The following PIR variants were observed in gnomAD, a reference collection of about 807,000 sequenced individuals.
The protein encoded by PIR is pirin (iron-binding nuclear protein).
In PIR, 22 loss-of-function variants were observed where a neutral mutation model predicts 24.2. The ratio of observed to expected loss-of-function variants is 0.91; its 90% CI spans 0.65 to 1.30. PIR has a LOEUF of 1.30. Ranked by LOEUF, PIR falls within the 50% of genes most tolerant of loss-of-function variation. The pLI is 0.00. For synonymous variants in PIR, 80 were observed against 79.6 expected, an observed-to-expected ratio of 1.00 and a Z score of -0.03; for missense variants, 220 against 220.3, an observed-to-expected ratio of 1.00 and a Z score of 0.01.
At position 15,425,397 on chromosome X, in the gene PIR, TC is replaced by T. The variant is rs750559792; in HGVS notation, c.565+508del. 2.8e-5 allele frequency among the ~76,000 whole-genome samples: 3 copies of T among 107,956 alleles called. No homozygotes were observed. In the East Asian group the frequency reaches 8.5e-4, roughly 31 times the overall value. 93.7% of individuals were successfully genotyped at this position (107,956 alleles called of 115,157 possible). A position where few individuals can be genotyped will look rare whatever the true frequency, so the allele number is the denominator to read the frequency against. Reference sequence around the variant, plus strand: ...ACATTCTGTGAGTTCTTTCTGATTTTCTTTTCTTTCTTTCTTTTTTTTTTTT... The same window carrying T: ...ACATTCTGTGAGTTCTTTCTGATTTTTTTTCTTTCTTTCTTTTTTTTTTTT... On this transcript the variant is annotated intron_variant, in intron 6 of 9. Transcript: ENST00000380420.
At chrX:15,452,451 C>T (rs748610207) in intron 5 of PIR, among the ~76,000 whole-genome samples, 12 of 111,687 alleles carry the variant, frequency 1.1e-4, no homozygotes, top group Non-Finnish European at 7.5e-5. Flanking sequence ...CACATACAAC[C>T]TGGGAAACAG....
intron 6 of PIR, among the ~76,000 whole-genome samples, chrX:15,423,131 A>T (rs948323743): frequency 8.9e-6 from 1 of 112,270 alleles, no homozygotes; most frequent in Non-Finnish European, 1.9e-5. Flanking sequence ...TCAAATCAAA[A>T]TGAATTAAAG....
chrX:15,395,873 T>C (rs994203495), intron 8 of PIR, among the ~76,000 whole-genome samples: 2 of 112,309 alleles, frequency 1.8e-5, no homozygotes, highest in Non-Finnish European at 3.8e-5. Context: ...AATTACAGAA[T>C]TGCACATAAC....
chrX:15,452,804 T>C (rs1345307024), intron 5 of PIR, among the ~76,000 whole-genome samples: 2 of 112,290 alleles, frequency 1.8e-5, no homozygotes, highest in African/African-American at 6.5e-5. Context: ...AATCAGAGTC[T>C]GCATTTTATC....
intron 5 of PIR, among the ~76,000 whole-genome samples, chrX:15,442,226 A>G (rs984355821): frequency 9.0e-6 from 1 of 110,844 alleles, no homozygotes; most frequent in Non-Finnish European, 1.9e-5. Context: ...CATTATCACT[A>G]TATCTATTAT....
At chrX:15,460,368 A>G (rs777935577) in intron 3 of PIR, among the ~76,000 whole-genome samples, 59 of 112,165 alleles carry the variant, frequency 5.3e-4, no homozygotes, top group African/African-American at 1.9e-3. Flanking sequence ...CAATAAATAG[A>G]TAATGTGGTA....
chrX:15,422,636 C>A (rs1925173145), intron 6 of PIR, among the ~76,000 whole-genome samples: 1 of 110,876 alleles, frequency 9.0e-6, no homozygotes, highest in Non-Finnish European at 1.9e-5. Context: ...ATTGAAAAAT[C>A]TATACAAGGA....
intron 5 of PIR, among the ~76,000 whole-genome samples, chrX:15,439,450 T>C (rs370869559): frequency 6.2e-5 from 7 of 112,536 alleles, no homozygotes; most frequent in Non-Finnish European, 9.4e-5. Context: ...ACTATGAAAT[T>C]TGAAGTTACA....
chrX:15,418,176 C>T (rs1924988925), intron 6 of PIR, among the ~76,000 whole-genome samples: 1 of 111,438 alleles, frequency 9.0e-6, no homozygotes, highest in Non-Finnish European at 1.9e-5. Flanking sequence ...CAGATCCTGC[C>T]TTTAAGTATC....
At chrX:15,461,646 G>A (rs1883504193) in intron 3 of PIR, among the ~76,000 whole-genome samples, 1 of 111,189 alleles carries the variant, frequency 9.0e-6, no homozygotes. Context: ...AGCCGGGTGT[G>A]GTGGCAGGCG....
chrX:15,407,374 T>C (rs1355399244), intron 7 of PIR, 132 bp downstream of exon 7: 1 of 527,151 alleles, frequency 1.9e-6, no homozygotes, highest in Non-Finnish European at 3.4e-6. Context: ...TGCTGGGATA[T>C]AGAGAGGGCT....
chrX:15,431,679 C>T (rs866297545), intron 5 of PIR, among the ~76,000 whole-genome samples: 1 of 104,950 alleles, frequency 9.5e-6, no homozygotes, highest in Non-Finnish European at 2.0e-5. Flanking sequence ...CCACCCCCCC[C>T]CCGAAAACCT....
chrX:15,487,303 T>A (rs1322517446), intron 2 of PIR, among the ~76,000 whole-genome samples: 1 of 107,555 alleles, frequency 9.3e-6, no homozygotes, highest in African/African-American at 3.4e-5. Flanking sequence ...AAGGGATTTT[T>A]AAAATTTTTG....
intron 9 of PIR, among the ~76,000 whole-genome samples, chrX:15,387,068 CTTTTCTTTTTTTTTTTT>C (rs1264009786): frequency 1.1e-4 from 7 of 62,083 alleles, no homozygotes; most frequent in East Asian, 4.9e-4. Context: ...TTTTTCTTTT[CTTTTCTTTTTTTTTTTT>C]TTTTTTTTTT....
intron 7 of PIR, among the ~76,000 whole-genome samples, chrX:15,404,006 T>C (rs1027734615): frequency 9.2e-6 from 1 of 108,843 alleles, no homozygotes; most frequent in African/African-American, 3.3e-5. Flanking sequence ...TTTTTTTTTT[T>C]TTTCTTTTTT....
chrX:15,478,772 T>TC (rs1169263357), intron 3 of PIR, among the ~76,000 whole-genome samples: 1 of 111,292 alleles, frequency 9.0e-6, no homozygotes. Context: ...TTCTTTAGCC[T>TC]CCCTCCCTCT....
chrX:15,491,801 A>C (rs774085409), intron 1 of PIR, among the ~76,000 whole-genome samples: 1 of 111,341 alleles, frequency 9.0e-6, no homozygotes, highest in Non-Finnish European at 1.9e-5. Flanking sequence ...GCCTAGGAAC[A>C]ATAGGCTATA....
intron 6 of PIR, among the ~76,000 whole-genome samples, chrX:15,411,332 C>A (rs1924734700): frequency 9.0e-6 from 1 of 111,425 alleles, no homozygotes; most frequent in African/African-American, 3.3e-5. Flanking sequence ...ATATGTAAAT[C>A]ATTTTCTGTG....
chrX:15,470,596 CTTTCTTTTTT>C (rs1569209470), intron 3 of PIR, among the ~76,000 whole-genome samples: 4 of 77,713 alleles, frequency 5.1e-5, no homozygotes, highest in Non-Finnish European at 1.0e-4. Flanking sequence ...TTCTTTCTTT[CTTTCTTTTTT>C]TTTTTTTTTT....
Sources: allele counts gnomAD v4.1 joint callset (sites outside exome capture counted in the v4.1 genomes callset), GRCh38; gene constraint gnomAD v4.1.1; transcripts MANE v1.5; gene names NCBI Gene and HGNC (gene_info 2026-07-23, HGNC 2026-07-21).